Variants in PLEKHH1 observed in about 807,000 individuals in gnomAD.
The protein encoded by PLEKHH1 is pleckstrin homology domain-containing family H member 1.
A neutral mutation model predicts 160.0 loss-of-function variants in PLEKHH1; 104 were observed. The ratio of observed to expected loss-of-function variants is 0.65; its 90% confidence interval spans 0.55 to 0.76. The LOEUF (loss-of-function observed/expected upper bound fraction) is 0.76, where lower values mean the gene tolerates loss of function less well. Among genes scored for constraint, PLEKHH1 ranks in the 30% least tolerant of loss-of-function variants. PLEKHH1 has a pLI of 0.00. For synonymous variants in PLEKHH1, 619 were observed against 678.4 expected (o/e 0.91, Z 1.36); for missense variants, 1,427 against 1,724.1 (o/e 0.83, Z 3.05).
At chr14:67,538,773 C>A (rs2033847549) in intron 1 of PLEKHH1, among the ~76,000 whole-genome samples, 1 of 152,110 alleles carries the variant, frequency 6.6e-6, no homozygotes, top group Non-Finnish European at 1.5e-5. Context: ...TCTCCATCCC[C>A]AAGGCAGGGA....
At chr14:67,534,440 G>T (rs561616230) in intron 1 of PLEKHH1, among the ~76,000 whole-genome samples, 9 of 152,230 alleles carry the variant, frequency 5.9e-5, no homozygotes, top group African/African-American at 2.2e-4. Context: ...TTAAAAATTA[G>T]CTGGGTGTGG....
rs995871949 is a variant in PLEKHH1, at chr14:67,576,821, T to TA, written c.2461+319dup. ...AGAAGGTAGCTGGTTAATCTATAGT[T>TA]AGAGTTTGTAAATCAACAAGTGAAG... is the stretch of plus-strand genomic sequence containing the variant. On this transcript the variant is annotated intron_variant, in intron 17 of 28. Coordinates refer to ENST00000329153, the MANE Select transcript of PLEKHH1 (RefSeq NM_020715.3). The surrounding 1 kb of genome is among the most constrained non-coding windows in gnomAD (Gnocchi z 4.0). 3.3e-5 allele frequency among the ~76,000 whole-genome samples: 5 copies of TA among 152,144 alleles called. No individual in the cohort carries two copies. The highest frequency in any genetic ancestry group is 9.7e-5 in the African/African-American group (4 of 41,422).
At chr14:67,557,506 C>T (rs544673814) in intron 4 of PLEKHH1, 88 bp downstream of exon 4, 1 of 1,287,248 alleles carries the variant, frequency 7.8e-7, no homozygotes, top group South Asian at 1.4e-5. Flanking sequence ...CGCTCAAGCC[C>T]TCTAGTGCTG....
intron 7 of PLEKHH1, among the ~76,000 whole-genome samples, chr14:67,566,138 G>A (rs1343723073): frequency 6.6e-6 from 1 of 152,094 alleles, no homozygotes; most frequent in Non-Finnish European, 1.5e-5. Context: ...AAGAAATGCT[G>A]GTTCGGGAGG....
At chr14:67,551,160 C>T (rs1346067334) in intron 2 of PLEKHH1, among the ~76,000 whole-genome samples, 1 of 152,168 alleles carries the variant, frequency 6.6e-6, no homozygotes, top group Admixed American at 6.5e-5. Flanking sequence ...CTGGCTTAAA[C>T]CCATTCTTTC....
chr14:67,562,590 C>A lies in PLEKHH1; in HGVS notation c.959C>A (p.Thr320Asn). The change falls in exon 7 of 29, where the codon ACC (threonine) becomes AAC (asparagine). Residue 320 changes from threonine to asparagine, a missense_variant. Transcript: ENST00000329153. The stretch of plus-strand genomic sequence containing the variant: ...CTACCAAAGGTGCGGGCTCCTGGCA[C>A]CCCGCGGGACAGCATCCAGTTGGCC... ...LTLPKVRAPGTPRDSIQLAKR... is the reference protein window; with the variant it reads ...LTLPKVRAPGNPRDSIQLAKR... 1 of 1,612,806 alleles carries A rather than the reference C, an allele frequency of 6.2e-7. No individual in the cohort carries two copies. The highest frequency in any genetic ancestry group is 8.5e-7 in the Non-Finnish European group (1 of 1,179,346).
In PLEKHH1 at chr14:67,589,369, G is replaced by A; in HGVS notation, c.*2134G>A. The A allele has an allele frequency of 1.0e-6, 1 of 984,436 alleles. No homozygotes were observed. Among genetic ancestry groups the A allele is most frequent in the Non-Finnish European group, 1.2e-6 (1 of 829,124 alleles). 61.0% of individuals were successfully genotyped at this position (984,436 alleles called of 1,614,324 possible). On this transcript the variant is annotated 3_prime_UTR_variant, in exon 29 of 29. Coordinates refer to ENST00000329153, the MANE Select transcript of PLEKHH1 (RefSeq NM_020715.3). ...GAGAGTCCCATGTCTGAAAACCAAA[G>A]TCCAATTTCTGTCTGGCCTTTTGTC...
intron 2 of PLEKHH1, among the ~76,000 whole-genome samples, chr14:67,551,369 T>C (rs2034383294): frequency 6.6e-6 from 1 of 152,190 alleles, no homozygotes; most frequent in Non-Finnish European, 1.5e-5. Context: ...CTTTTACCTA[T>C]AAATTTCTGA....
intron 5 of PLEKHH1, among the ~76,000 whole-genome samples, chr14:67,560,190 G>A (rs1407054896): frequency 6.6e-6 from 1 of 152,056 alleles, no homozygotes; most frequent in Non-Finnish European, 1.5e-5. Flanking sequence ...ACCATGCCCA[G>A]CTAATTTTTG....
chr14:67,579,986 T>G (rs2035815467), intron 22 of PLEKHH1, 110 bp downstream of exon 22: 1 of 1,070,076 alleles, frequency 9.3e-7, no homozygotes, highest in Non-Finnish European at 1.3e-6. Flanking sequence ...CATTTGGTGC[T>G]GAGCCCAAGG....
At chr14:67,558,683 G>T (rs1261538828) in intron 4 of PLEKHH1, among the ~76,000 whole-genome samples, 1 of 152,202 alleles carries the variant, frequency 6.6e-6, no homozygotes, top group Non-Finnish European at 1.5e-5. Context: ...TTTAGTCCCA[G>T]CTGTGCCATG....
In PLEKHH1 at chr14:67,573,927, G is replaced by A. The variant is rs938603632; in HGVS notation, c.1926+40G>A. ...GGCTGCTAGTATTTTAAACAGAAGAGGTGCTGGGTTTGGATATGGCCGTGA... is the reference window on the plus strand; with the variant it reads ...GGCTGCTAGTATTTTAAACAGAAGAAGTGCTGGGTTTGGATATGGCCGTGA... On this transcript the variant is annotated intron_variant, in intron 13 of 28. Coordinates refer to ENST00000329153, the MANE Select transcript of PLEKHH1 (RefSeq NM_020715.3). This position sits in a 1 kb window ranked among gnomAD's most constrained non-coding sequence, Gnocchi z 4.8. 1 of 1,466,042 alleles carries A rather than the reference G, an allele frequency of 6.8e-7. No homozygotes were observed. The allele number at this position is 1,466,042 out of a possible 1,614,324, so 90.8% of individuals were successfully genotyped here.
chr14:67,562,436 T>C lies in PLEKHH1; in HGVS notation c.805T>C (p.Cys269Arg). The change falls in exon 7 of 29, where the codon TGC (cysteine) becomes CGC (arginine). Residue 269 changes from cysteine (C) to arginine (R), a missense_variant. This residue lies in a region of PLEKHH1 where 831 missense variants were observed against 929.2 expected (regional missense o/e 0.89). Coordinates refer to ENST00000329153, the MANE Select transcript of PLEKHH1 (RefSeq NM_020715.3). ...AAGAGAGAGCCCTCCCCACCAGCCA[T>C]GCATGAAGCTTCTTACCTTCAGATG... ...LGRESPPHQPCMKLLTFRCSS... is the reference protein window; with the variant it reads ...LGRESPPHQPRMKLLTFRCSS... 1 of 1,613,768 alleles carries C rather than the reference T, an allele frequency of 6.2e-7. No homozygotes were observed. Among genetic ancestry groups the C allele is most frequent in the South Asian group, 1.1e-5 (1 of 91,080 alleles).
In PLEKHH1 at chr14:67,571,719, T is replaced by G. The variant is rs755649721; in HGVS notation, c.1435-33T>G. On this transcript the variant is annotated intron_variant, in intron 9 of 28. Transcript: ENST00000329153. ...GTTGGGAGAGGACTGTTTTGCAGCCTGAGCTGCAGTGAGGGAGGGGCCTGT... is the reference window on the plus strand; with the variant it reads ...GTTGGGAGAGGACTGTTTTGCAGCCGGAGCTGCAGTGAGGGAGGGGCCTGT... The G allele has an allele frequency of 1.9e-6, 3 of 1,600,286 alleles. No individual in the cohort carries two copies. In the South Asian group the frequency reaches 3.3e-5, roughly 18 times the overall value.
At chr14:67,553,835 G>A (rs1210471420) in intron 2 of PLEKHH1, among the ~76,000 whole-genome samples, 1 of 152,152 alleles carries the variant, frequency 6.6e-6, no homozygotes, top group Non-Finnish European at 1.5e-5. Flanking sequence ...GGCTCAAACC[G>A]ATGCCTGAAA....
chr14:67,560,543 C>T (rs546571250), intron 5 of PLEKHH1, among the ~76,000 whole-genome samples: 11 of 152,190 alleles, frequency 7.2e-5, no homozygotes, highest in Non-Finnish European at 1.2e-4. Context: ...CTTCCCCCAT[C>T]GCCTGGTAAC....
chr14:67,580,578 C>T (rs1346303308), intron 22 of PLEKHH1, among the ~76,000 whole-genome samples: 1 of 152,232 alleles, frequency 6.6e-6, no homozygotes, highest in African/African-American at 2.4e-5. Context: ...GGCTTTGTTA[C>T]ATGGTAGCCC....
chr14:67,556,781 C>T (rs1375494349), intron 3 of PLEKHH1, among the ~76,000 whole-genome samples: 1 of 152,328 alleles, frequency 6.6e-6, no homozygotes, highest in African/African-American at 2.4e-5. Flanking sequence ...AGAAATGATG[C>T]ACCATTTCCA....
In PLEKHH1 at chr14:67,573,975, T is replaced by C; in HGVS notation, c.1926+88T>C. On this transcript the variant is annotated intron_variant, in intron 13 of 28. Coordinates refer to ENST00000329153, the MANE Select transcript of PLEKHH1 (RefSeq NM_020715.3). The surrounding 1 kb of genome is among the most constrained non-coding windows in gnomAD (Gnocchi z 4.8). ...TGAGTGAGACAAAGATGGGGCCAAA[T>C]GAGCATGAATGAAAGACTTCAGATC... The C allele has an allele frequency of 1.8e-5, 17 of 929,846 alleles. 1 individual carries two copies. In the South Asian group the frequency reaches 2.3e-4, roughly 13 times the overall value. 57.6% of individuals were successfully genotyped at this position (929,846 alleles called of 1,614,324 possible). A position where few individuals can be genotyped will look rare whatever the true frequency, so the allele number is the denominator to read the frequency against.
Sources: gnomAD v4.1 joint callset for allele counts (sites outside exome capture counted in the v4.1 genomes callset) on GRCh38, gnomAD v4.1.1 for gene constraint, gnomAD v4.1.1 regional missense constraint, Gnocchi (gnomAD v3.1) non-coding constraint, MANE v1.5 for transcripts, NCBI Gene and HGNC (gene_info 2026-07-23, HGNC 2026-07-21) for gene names.